The following RELN variants were observed in gnomAD, a reference collection of about 807,000 sequenced individuals.
RELN encodes the protein reelin.
In RELN, 108 loss-of-function variants were observed where a neutral mutation model predicts 427.6. The observed-to-expected ratio is 0.25, with a 90% CI of 0.22 to 0.30. The LOEUF is 0.30. Ranked by LOEUF, RELN falls within the 10% of genes least tolerant of loss-of-function variation. The pLI, the probability that RELN is intolerant of heterozygous loss-of-function variation, is 1.00. For missense variants in RELN, 3,715 were observed against 4,302.8 expected, an observed-to-expected ratio of 0.86 and a Z score of 3.82; for synonymous variants, 1,524 against 1,513.4, an observed-to-expected ratio of 1.01 and a Z score of -0.16.
At chr7:103,893,239 C>T (rs1794888034) in intron 2 of RELN, among the ~76,000 whole-genome samples, 1 of 152,104 alleles carries the variant, frequency 6.6e-6, no homozygotes, top group African/African-American at 2.4e-5. Flanking sequence ...GCAGAACTCT[C>T]AGGTGGGACT....
intron 4 of RELN, among the ~76,000 whole-genome samples, chr7:103,760,548 A>T (rs1322043066): frequency 6.6e-6 from 1 of 152,120 alleles, no homozygotes; most frequent in Non-Finnish European, 1.5e-5. Context: ...AGACTTAAAT[A>T]TGTGGAGCAG....
chr7:103,742,735 CA>C (rs1399306379), intron 6 of RELN, among the ~76,000 whole-genome samples: 1 of 152,180 alleles, frequency 6.6e-6, no homozygotes, highest in Non-Finnish European at 1.5e-5. Flanking sequence ...AAGAAACGAA[CA>C]AATCCTCTAA....
In RELN at chr7:103,760,692, A is replaced by G. The variant is rs532747368; in HGVS notation, c.545-7478T>C. ...TGTAGGTGGCAAGCAATTCTTACAAATACAGGTATTATGTTACAGGGACTA... is the reference window on the plus strand; with the variant it reads ...TGTAGGTGGCAAGCAATTCTTACAAGTACAGGTATTATGTTACAGGGACTA... On this transcript the variant is annotated intron_variant, in intron 4 of 64. Transcript: ENST00000428762. Among the ~76,000 whole-genome samples the G allele has an allele frequency of 2.6e-5, 4 of 152,308 alleles. No homozygotes were observed. In the South Asian group the frequency reaches 8.3e-4, roughly 32 times the overall value.
At chr7:103,490,185 G>A (rs1333932711) in intron 59 of RELN, among the ~76,000 whole-genome samples, 2 of 152,090 alleles carry the variant, frequency 1.3e-5, no homozygotes, top group Non-Finnish European at 2.9e-5. Context: ...CAGGTGTATC[G>A]TTTTCCAAAT....
At chr7:103,952,119 G>A (rs1380549038) in intron 1 of RELN, among the ~76,000 whole-genome samples, 5 of 152,224 alleles carry the variant, frequency 3.3e-5, no homozygotes, top group Non-Finnish European at 5.9e-5. Context: ...TAGGTTGGGT[G>A]CCATTGGTAT....
chr7:103,903,653 C>CTT lies in RELN; in HGVS notation c.337+13420_337+13421dup, dbSNP rs374541017. ...TCGAAAATGTACATTTCCTGATGTT[C>CTT]TTTTTTTTGTTTTTGATATGATTAT... On this transcript the variant is annotated intron_variant, in intron 2 of 64. Coordinates refer to ENST00000428762, the MANE Select transcript of RELN (RefSeq NM_005045.4). Among the ~76,000 whole-genome samples the CTT allele has an allele frequency of 2.1e-3, 315 of 151,648 alleles. 1 individual carries two copies. Among genetic ancestry groups the CTT allele is most frequent in the African/African-American group, 6.9e-3 (284 of 41,348 alleles).
chr7:103,892,119 A>G (rs1254062969), intron 2 of RELN, among the ~76,000 whole-genome samples: 2 of 152,144 alleles, frequency 1.3e-5, no homozygotes, highest in African/African-American at 4.8e-5. Context: ...ATGATGTATT[A>G]CTCTGAGCCA....
intron 60 of RELN, among the ~76,000 whole-genome samples, chr7:103,488,172 A>G (rs1388210264): frequency 2.0e-5 from 3 of 152,180 alleles, no homozygotes; most frequent in Non-Finnish European, 2.9e-5. Context: ...GATATTCAGT[A>G]ATGAAGCTGG....
intron 2 of RELN, among the ~76,000 whole-genome samples, chr7:103,884,131 A>G (rs1292912493): frequency 6.6e-6 from 1 of 152,196 alleles, no homozygotes; most frequent in Non-Finnish European, 1.5e-5. Context: ...AATGCCACAC[A>G]TCTACAACCA....
At chr7:103,690,265 T>C (rs1289545607) in intron 10 of RELN, among the ~76,000 whole-genome samples, 4 of 152,064 alleles carry the variant, frequency 2.6e-5, no homozygotes, top group Non-Finnish European at 5.9e-5. Flanking sequence ...TTACTGTATA[T>C]CTTAAATGGA....
intron 1 of RELN, among the ~76,000 whole-genome samples, chr7:103,955,754 G>C (rs4727581): frequency 0.6 from 91,729 of 152,020 alleles, 29,417 homozygotes; most frequent in African/African-American, 0.84. Context: ...AACTCCATGT[G>C]AAACAGCAAG....
At chr7:103,941,047 C>T (rs1165022637) in intron 1 of RELN, among the ~76,000 whole-genome samples, 2 of 152,130 alleles carry the variant, frequency 1.3e-5, no homozygotes, top group East Asian at 1.9e-4. Context: ...AATCTTCCTC[C>T]CTGGATGTTA....
intron 8 of RELN, among the ~76,000 whole-genome samples, chr7:103,716,542 TG>T (rs1488262365): frequency 6.6e-6 from 1 of 152,238 alleles, no homozygotes; most frequent in African/African-American, 2.4e-5. Flanking sequence ...ACAATGCCCA[TG>T]GATTTCATTT....
chr7:103,674,802 T>C (rs1316366625), intron 11 of RELN, among the ~76,000 whole-genome samples: 3 of 152,286 alleles, frequency 2.0e-5, no homozygotes, highest in Admixed American at 6.5e-5. Context: ...ATTATCTCAA[T>C]AGACACAGAA....
At chr7:103,484,995 G>T (rs1002835076) in intron 61 of RELN, among the ~76,000 whole-genome samples, 1 of 152,110 alleles carries the variant, frequency 6.6e-6, no homozygotes, top group African/African-American at 2.4e-5. Context: ...CCTTGCCCTA[G>T]ATAGACCTTT....
At chr7:103,642,928 T>C (rs1399337547) in intron 16 of RELN, among the ~76,000 whole-genome samples, 2 of 152,106 alleles carry the variant, frequency 1.3e-5, no homozygotes, top group African/African-American at 4.8e-5. Context: ...AAAACTCCAT[T>C]TTAACCCCTT....
chr7:103,944,287 G>A (rs537460960), intron 1 of RELN, among the ~76,000 whole-genome samples: 1 of 152,222 alleles, frequency 6.6e-6, no homozygotes, highest in East Asian at 1.9e-4. Flanking sequence ...GAGGACAGTA[G>A]GTGAACAGTG....
intron 1 of RELN, among the ~76,000 whole-genome samples, chr7:103,940,153 G>A (rs141998037): frequency 3.3e-5 from 5 of 152,138 alleles, no homozygotes; most frequent in African/African-American, 9.6e-5. Context: ...TATTTGCCTC[G>A]GTAATTTACT....
intron 2 of RELN, among the ~76,000 whole-genome samples, chr7:103,889,412 A>C (rs1269637701): frequency 6.6e-6 from 1 of 152,202 alleles, no homozygotes; most frequent in Non-Finnish European, 1.5e-5. Flanking sequence ...CAAGAACTTA[A>C]TGTGTAACTT....
Sources: allele counts gnomAD v4.1 joint callset (sites outside exome capture counted in the v4.1 genomes callset), GRCh38; gene constraint gnomAD v4.1.1; transcripts MANE v1.5; gene names NCBI Gene and HGNC (gene_info 2026-07-23, HGNC 2026-07-21).